GRAMD1C: variants seen among roughly 807,000 people sequenced by gnomAD.
The protein encoded by GRAMD1C is GRAM domain containing 1C.
In GRAMD1C, 89 loss-of-function variants were observed where a neutral mutation model predicts 97.8. The ratio of observed to expected loss-of-function variants is 0.91; its 90% CI spans 0.77 to 1.09. The LOEUF (loss-of-function observed/expected upper bound fraction) is 1.09, where lower values mean the gene tolerates loss of function less well. Ranked by LOEUF, GRAMD1C falls within the 50% of genes least tolerant of loss-of-function variation. The pLI is 0.00. For synonymous variants in GRAMD1C, 256 were observed against 267.0 expected (o/e 0.96, Z 0.40); for missense variants, 740 against 766.4 (o/e 0.97, Z 0.41).
chr3:113,846,411 A>G (rs962180948), intron 2 of GRAMD1C, among the ~76,000 whole-genome samples: 2 of 152,048 alleles, frequency 1.3e-5, no homozygotes, highest in African/African-American at 4.8e-5. Context: ...CGTCCTCTGC[A>G]CTGATTTTTT....
chr3:113,898,601 A>C (rs1704650685), intron 6 of GRAMD1C, among the ~76,000 whole-genome samples: 1 of 152,196 alleles, frequency 6.6e-6, no homozygotes, highest in Non-Finnish European at 1.5e-5. Flanking sequence ...TTCTATGGAC[A>C]CTGTGCTTCC....
intron 6 of GRAMD1C, chr3:113,897,646 T>A: frequency 1.0e-6 from 1 of 984,180 alleles, no homozygotes; most frequent in Non-Finnish European, 1.2e-6. Flanking sequence ...CATTAAATAT[T>A]TGGAGCTCTG....
At chr3:113,829,473 C>T (rs929727520) in intron 1 of GRAMD1C, among the ~76,000 whole-genome samples, 21 of 152,040 alleles carry the variant, frequency 1.4e-4, no homozygotes, top group African/African-American at 5.1e-4. Flanking sequence ...CCAACTAAAT[C>T]CAACTGTGTC....
chr3:113,873,071 C>T (rs569068645), intron 3 of GRAMD1C, among the ~76,000 whole-genome samples: 102 of 111,724 alleles, frequency 9.1e-4, no homozygotes, highest in East Asian at 2.9e-3. Flanking sequence ...CCAGCCTGGG[C>T]GACAGAGCAA....
intron 6 of GRAMD1C, among the ~76,000 whole-genome samples, chr3:113,900,545 T>C (rs9831736): frequency 0.99 from 147,994 of 148,896 alleles, 73,559 homozygotes; most frequent in Middle Eastern, 1. Flanking sequence ...CTCAGCCTCC[T>C]GAATAGCTGG....
chr3:113,899,128 C>G (rs1471082585), intron 6 of GRAMD1C, among the ~76,000 whole-genome samples: 2 of 152,120 alleles, frequency 1.3e-5, no homozygotes, highest in African/African-American at 4.8e-5. Flanking sequence ...CTATATTTAT[C>G]TCTACTATTT....
At chr3:113,868,785 A>G (rs1934678700) in intron 2 of GRAMD1C, among the ~76,000 whole-genome samples, 1 of 152,124 alleles carries the variant, frequency 6.6e-6, no homozygotes, top group Non-Finnish European at 1.5e-5. Flanking sequence ...TTGGCCAGGA[A>G]ATGTGTGGAT....
chr3:113,945,455 A>G lies in GRAMD1C; in HGVS notation c.1966A>G (p.Thr656Ala). 1 of 1,592,948 alleles carries G rather than the reference A, an allele frequency of 6.3e-7. No homozygotes were observed. The highest frequency in any genetic ancestry group is 8.6e-7 in the Non-Finnish European group (1 of 1,161,444). Residue 656 changes from threonine (T) to alanine (A), a missense_variant, in exon 18 of 18, where the codon ACT (threonine) becomes GCT (alanine). Coordinates refer to ENST00000358160, the MANE Select transcript of GRAMD1C (RefSeq NM_017577.5). ...KTFDLLNKNK[T>A]GMAVES ...GTTTGATCTACTAAATAAGAATAAG[A>G]CTGGCATGGCTGTTGAAAGCTAGTG... is the stretch of plus-strand genomic sequence containing the variant.
chr3:113,843,049 GTTTTTT>G (rs71144092), intron 1 of GRAMD1C, among the ~76,000 whole-genome samples: 1 of 53,402 alleles, frequency 1.9e-5, no homozygotes, highest in African/African-American at 7.0e-5. Flanking sequence ...ACCATAAGCT[GTTTTTT>G]TTTTTTTTTT....
intron 5 of GRAMD1C, among the ~76,000 whole-genome samples, chr3:113,881,085 T>C (rs1484556049): frequency 6.6e-6 from 1 of 152,188 alleles, no homozygotes; most frequent in Non-Finnish European, 1.5e-5. Context: ...AGAGGTATCA[T>C]TATCTAGAAC....
At chr3:113,907,322 T>G (rs769056340) in intron 8 of GRAMD1C, among the ~76,000 whole-genome samples, 6 of 152,238 alleles carry the variant, frequency 3.9e-5, no homozygotes, top group Non-Finnish European at 7.3e-5. Context: ...TTACCAGTCA[T>G]GCATCTACCT....
intron 17 of GRAMD1C, among the ~76,000 whole-genome samples, chr3:113,943,802 T>G (rs1432659625): frequency 2.6e-5 from 4 of 152,128 alleles, no homozygotes; most frequent in Non-Finnish European, 4.4e-5. Context: ...TAGTCCCAGC[T>G]ACTCGGGAGG....
chr3:113,909,802 A>AT (rs34159014), intron 9 of GRAMD1C, among the ~76,000 whole-genome samples: 1 of 152,190 alleles, frequency 6.6e-6, no homozygotes, highest in Non-Finnish European at 1.5e-5. Context: ...TCTGTAAATG[A>AT]TTTTTTAAAA....
intron 2 of GRAMD1C, among the ~76,000 whole-genome samples, chr3:113,857,602 G>A (rs752741491): frequency 6.6e-6 from 1 of 151,810 alleles, no homozygotes; most frequent in East Asian, 1.9e-4. Context: ...GGTCTCGATC[G>A]CCTGACCTCG....
At chr3:113,871,536 T>G (rs1433331504) in intron 3 of GRAMD1C, among the ~76,000 whole-genome samples, 1 of 151,492 alleles carries the variant, frequency 6.6e-6, no homozygotes, top group African/African-American at 2.4e-5. Context: ...AGGCGGATCA[T>G]GAGGTCAGGA....
chr3:113,933,556 T>C lies in GRAMD1C; in HGVS notation c.1255T>C (p.Ser419Pro). Reference sequence around the variant, plus strand: ...GGAAGCACGATTTTATTTGGTAGATTCAGAAGTACTGACACATGATGTCCC... The same window carrying C: ...GGAAGCACGATTTTATTTGGTAGATCCAGAAGTACTGACACATGATGTCCC... ...SREARFYLVD[S>P]EVLTHDVPYH... Residue 419 changes from serine to proline, a missense_variant, in exon 12 of 18, where the codon TCA (serine) becomes CCA (proline). Transcript: ENST00000358160. The C allele has an allele frequency of 1.2e-6, 2 of 1,607,770 alleles. No individual in the cohort carries two copies. Among genetic ancestry groups the C allele is most frequent in the South Asian group, 1.1e-5 (1 of 90,950 alleles).
intron 6 of GRAMD1C, among the ~76,000 whole-genome samples, chr3:113,886,777 G>GTTTTTTTTTTTTTTTTTTTTTTTTTTT (rs34683672): frequency 1.2e-5 from 1 of 80,042 alleles, no homozygotes; most frequent in Non-Finnish European, 2.3e-5. Context: ...TTGTTTGCTT[G>GTTTTTTTTTTTTTTTTTTTTTTTTTTT]TTTTTTTTTT....
In GRAMD1C at chr3:113,946,848, T is replaced by C. The variant is rs1475738654; in HGVS notation, c.*1370T>C. On this transcript the variant is annotated 3_prime_UTR_variant, in exon 18 of 18. Coordinates refer to ENST00000358160, the MANE Select transcript of GRAMD1C (RefSeq NM_017577.5). ...TAGAGGGAAAATGGGTTTCTCTGGG[T>C]GAATTCCAACGAAGCATACCTAGGG... is the stretch of plus-strand genomic sequence containing the variant. The C allele has an allele frequency of 6.6e-6, 1 of 152,182 alleles. No individual in the cohort carries two copies. Among genetic ancestry groups the C allele is most frequent in the Non-Finnish European group, 1.5e-5 (1 of 68,040 alleles). 9.4% of individuals were successfully genotyped at this position (152,182 alleles called of 1,614,324 possible).
In GRAMD1C at chr3:113,886,181, C is replaced by T. The variant is rs538792620; in HGVS notation, c.540+3349C>T. The T allele has an allele frequency of 6.3e-6, 9 of 1,433,840 alleles. No individual in the cohort carries two copies. The East Asian group carries it at 1.8e-4, about 28-fold the overall frequency. The allele number at this position is 1,433,840 out of a possible 1,614,324, so 88.8% of individuals were successfully genotyped here. A position where few individuals can be genotyped will look rare whatever the true frequency, so the allele number is the denominator to read the frequency against. On this transcript the variant is annotated intron_variant, in intron 6 of 17. Coordinates refer to ENST00000358160, the MANE Select transcript of GRAMD1C (RefSeq NM_017577.5). ...ACCCCTCTCTGCCCTGGGAGCCCTA[C>T]ACTCCACTTGGAGTCTGGATGGACA...
Sources: allele counts gnomAD v4.1 joint callset (sites outside exome capture counted in the v4.1 genomes callset), GRCh38; gene constraint gnomAD v4.1.1; transcripts MANE v1.5; gene names NCBI Gene and HGNC (gene_info 2026-07-23, HGNC 2026-07-21).